Variants in SCHIP1 observed in about 807,000 individuals in gnomAD.
The protein encoded by SCHIP1 is schwannomin interacting protein 1, also known as schwannomin-interacting protein 1.
In SCHIP1, 8 loss-of-function variants were observed where a neutral mutation model predicts 29.7. The ratio of observed to expected loss-of-function variants is 0.27; its 90% confidence interval spans 0.16 to 0.49. SCHIP1 has a LOEUF of 0.49. SCHIP1 is among the 20% of genes least tolerant of loss of function. SCHIP1 has a pLI of 0.99. For synonymous variants in SCHIP1, 76 were observed against 94.9 expected (o/e 0.80, Z 1.16); for missense variants, 193 against 294.6 (o/e 0.66, Z 2.52).
the SCHIP1 span, among the ~76,000 whole-genome samples, chr3:159,501,397 T>C: frequency 6.6e-6 from 1 of 152,368 alleles, no homozygotes; most frequent in South Asian, 2.1e-4. Flanking sequence ...TCCAAACCTT[T>C]TAATTTTCCC....
At chr3:159,606,056 T>G in the SCHIP1 span, among the ~76,000 whole-genome samples, 1 of 152,178 alleles carries the variant, frequency 6.6e-6, no homozygotes, top group South Asian at 2.1e-4. Context: ...TGTTCTTACA[T>G]GAATCTCCCC....
At chr3:159,400,305 G>C in the SCHIP1 span, among the ~76,000 whole-genome samples, 1 of 152,202 alleles carries the variant, frequency 6.6e-6, no homozygotes, top group Non-Finnish European at 1.5e-5. Flanking sequence ...GTAGGGGAGA[G>C]TATTCACCTA....
the SCHIP1 span, among the ~76,000 whole-genome samples, chr3:159,433,394 G>A: frequency 6.6e-6 from 1 of 152,142 alleles, no homozygotes; most frequent in Non-Finnish European, 1.5e-5. Context: ...AGAAAGGGAT[G>A]ACCGCTTAAG....
At chr3:159,622,317 A>G in the SCHIP1 span, among the ~76,000 whole-genome samples, 2 of 152,156 alleles carry the variant, frequency 1.3e-5, no homozygotes, top group African/African-American at 4.8e-5. Context: ...GAATAGTTAC[A>G]CTCTGGGTTA....
At chr3:159,885,736 T>A (rs1716899616) in intron 2 of SCHIP1, among the ~76,000 whole-genome samples, 1 of 152,222 alleles carries the variant, frequency 6.6e-6, no homozygotes, top group South Asian at 2.1e-4. Flanking sequence ...ATGACCCTAT[T>A]CTGTCTATTT....
the SCHIP1 span, among the ~76,000 whole-genome samples, chr3:159,438,637 C>A: frequency 1.3e-5 from 2 of 152,090 alleles, no homozygotes; most frequent in Non-Finnish European, 2.9e-5. Context: ...GTTCTCGTTC[C>A]TTCTACCTCC....
intron 2 of SCHIP1, among the ~76,000 whole-genome samples, chr3:159,875,322 T>G (rs1715690872): frequency 6.6e-6 from 1 of 152,228 alleles, no homozygotes; most frequent in Non-Finnish European, 1.5e-5. Flanking sequence ...AAGCTGAATT[T>G]GACATCTTGC....
the SCHIP1 span, among the ~76,000 whole-genome samples, chr3:159,415,761 TA>T: frequency 1.3e-5 from 2 of 152,174 alleles, no homozygotes; most frequent in Non-Finnish European, 2.9e-5. Context: ...TTGTGAAGAT[TA>T]AATAAAAATA....
At chr3:159,374,633 TCA>T in the SCHIP1 span, among the ~76,000 whole-genome samples, 6 of 152,196 alleles carry the variant, frequency 3.9e-5, no homozygotes, top group East Asian at 5.8e-4. Flanking sequence ...ATATGTAATT[TCA>T]CAGTTATCTA....
chr3:159,499,336 T>G, the SCHIP1 span, among the ~76,000 whole-genome samples: 1,660 of 152,340 alleles, frequency 0.011, 36 homozygotes, highest in African/African-American at 0.038. Context: ...CTAAAGAAGC[T>G]GGCCATTTCT....
At chr3:159,405,302 G>T in the SCHIP1 span, among the ~76,000 whole-genome samples, 6 of 152,124 alleles carry the variant, frequency 3.9e-5, no homozygotes, top group Non-Finnish European at 5.9e-5. Context: ...ACTAAATAAG[G>T]TACCAGGGAC....
the SCHIP1 span, among the ~76,000 whole-genome samples, chr3:159,467,197 GA>G: frequency 1.3e-5 from 2 of 151,970 alleles, no homozygotes; most frequent in East Asian, 3.9e-4. Flanking sequence ...TCACACCAAA[GA>G]AAAACTTCAT....
At chr3:159,539,490 G>A in the SCHIP1 span, among the ~76,000 whole-genome samples, 1 of 136,314 alleles carries the variant, frequency 7.3e-6, no homozygotes, top group African/African-American at 2.5e-5. Context: ...GGATGAGCAA[G>A]GAACCGCTGG....
exon 3 of SCHIP1, chr3:159,886,308 C>G: frequency 6.2e-7 from 1 of 1,613,934 alleles, no homozygotes; most frequent in Non-Finnish European, 8.5e-7. Context: ...AGCTTGGACA[C>G]CCCCTTGTCT....
At chr3:159,696,653 G>A in the SCHIP1 span, among the ~76,000 whole-genome samples, 1 of 152,210 alleles carries the variant, frequency 6.6e-6, no homozygotes. Context: ...AGGATTGCAG[G>A]GAGAAAGACA....
chr3:159,756,379 G>T, the SCHIP1 span, among the ~76,000 whole-genome samples: 2 of 152,228 alleles, frequency 1.3e-5, no homozygotes, highest in Non-Finnish European at 2.9e-5. Flanking sequence ...TGAGCTCTAT[G>T]TTGGCCCTTT....
chr3:159,735,479 C>T, the SCHIP1 span, among the ~76,000 whole-genome samples: 1 of 152,140 alleles, frequency 6.6e-6, no homozygotes, highest in Non-Finnish European at 1.5e-5. Context: ...ATCTGCCCGC[C>T]TCAGCCTCCC....
the SCHIP1 span, among the ~76,000 whole-genome samples, chr3:159,774,385 T>TA: frequency 6.6e-5 from 10 of 152,192 alleles, no homozygotes; most frequent in Admixed American, 6.5e-4. Flanking sequence ...AAAAAAATAA[T>TA]AAAATAAAAA....
the SCHIP1 span, among the ~76,000 whole-genome samples, chr3:159,724,996 C>G: frequency 6.6e-6 from 1 of 152,272 alleles, no homozygotes; most frequent in Non-Finnish European, 1.5e-5. Flanking sequence ...ATATATTCAT[C>G]TTGTTTTCAT....
Sources: gnomAD v4.1 joint callset for allele counts (sites outside exome capture counted in the v4.1 genomes callset) on GRCh38, gnomAD v4.1.1 for gene constraint, MANE v1.5 for transcripts, NCBI Gene and HGNC (gene_info 2026-07-23, HGNC 2026-07-21) for gene names.